Variants in ATP8B3 observed in about 807,000 individuals in gnomAD.
The protein encoded by ATP8B3 is ATPase phospholipid transporting 8B3.
ATP8B3 carries 141 observed loss-of-function variants against 140.9 expected under a neutral mutation model. The observed-to-expected ratio is 1.00, with a 90% CI of 0.87 to 1.15. The LOEUF is 1.15. Ranked by LOEUF, ATP8B3 falls within the 50% of genes most tolerant of loss-of-function variation. The pLI, the probability that ATP8B3 is intolerant of heterozygous loss-of-function variation, is 0.00. For synonymous variants in ATP8B3, 765 were observed against 714.6 expected, an observed-to-expected ratio of 1.07 and a Z score of -1.13; for missense variants, 1,874 against 1,740.6, an observed-to-expected ratio of 1.08 and a Z score of -1.36.
intron 10 of ATP8B3, among the ~76,000 whole-genome samples, chr19:1,803,883 CGA>C (rs1374180728): frequency 7.9e-6 from 1 of 127,316 alleles, no homozygotes; most frequent in East Asian, 2.2e-4. Context: ...GCAACAAGAG[CGA>C]GACTCTGTCT....
chr19:1,790,033 T>C, intron 21 of ATP8B3, 44 bp from the exon 22 acceptor site: 1 of 1,437,996 alleles, frequency 7.0e-7, no homozygotes, highest in Non-Finnish European at 9.7e-7. Context: ...GGGGCGGGCT[T>C]CTCCCCACTT....
chr19:1,798,352 C>T (rs899150087), intron 14 of ATP8B3, among the ~76,000 whole-genome samples: 24 of 151,976 alleles, frequency 1.6e-4, no homozygotes, highest in African/African-American at 5.3e-4. Context: ...CAAACTACAC[C>T]CCACCACATC....
chr19:1,806,026 C>T lies in ATP8B3; in HGVS notation c.751-68G>A. ...ACAAATTGGGGGTGCGGCAGCCCTC[C>T]CCACCCTGGGAGGGGTGCTCTCGGT... is the stretch of plus-strand genomic sequence containing the variant. On this transcript the variant is annotated intron_variant, in intron 8 of 28. Coordinates refer to ENST00000310127, the MANE Select transcript of ATP8B3 (RefSeq NM_138813.4). This position sits in a 1 kb window ranked among gnomAD's most constrained non-coding sequence, Gnocchi z 5.6. The T allele has an allele frequency of 1.9e-6, 3 of 1,608,286 alleles. No individual in the cohort carries two copies. The highest frequency in any genetic ancestry group is 3.4e-5 in the Admixed American group (2 of 59,562).
chr19:1,796,866 A>G lies in ATP8B3; in HGVS notation c.1598T>C (p.Leu533Pro). 1 of 1,610,060 alleles carries G rather than the reference A, an allele frequency of 6.2e-7. No homozygotes were observed. The highest frequency in any genetic ancestry group is 8.5e-7 in the Non-Finnish European group (1 of 1,178,148). Reference sequence around the variant, plus strand: ...CTTCCCGTCGGCGAACTTGTTCCAGAGGTAGGGGTTCTCCTGGGGGTGGCG... The same window carrying G: ...CTTCCCGTCGGCGAACTTGTTCCAGGGGTAGGGGTTCTCCTGGGGGTGGCG... ...ATTRPKENPY[L>P]WNKFADGKLL... The change falls in exon 16 of 29, where the codon CTC becomes CCC. Residue 533 changes from leucine to proline, a missense_variant. Coordinates refer to ENST00000310127, the MANE Select transcript of ATP8B3 (RefSeq NM_138813.4).
In ATP8B3 at chr19:1,789,062, G is replaced by A; in HGVS notation, c.2904C>T (p.Ser968=). ...AGCAGAACTGGCCGAGCACGAAGTC[G>A]CTGTTCTGAACTGCCTGCATGCCCT... ...GQEGMQAVQN[S]DFVLGQFCFL... is the part of the protein sequence containing the mutation. The change falls in exon 24 of 29, where the codon AGC becomes AGT. Residue 968 remains serine, a synonymous_variant. Transcript: ENST00000310127. 6.2e-7 allele frequency: 1 copy of A among 1,600,254 alleles called. No homozygotes were observed. The highest frequency in any genetic ancestry group is 8.5e-7 in the Non-Finnish European group (1 of 1,175,496).
rs1568637943 is a variant in ATP8B3, at chr19:1,796,588, C to T, written c.1753+123G>A. The T allele has an allele frequency of 1.2e-5, 15 of 1,290,416 alleles. No homozygotes were observed. In the South Asian group the frequency reaches 1.8e-4, roughly 16 times the overall value. 79.9% of individuals were successfully genotyped at this position (1,290,416 alleles called of 1,614,324 possible). ...CGAGGTGCGGCTGGTGTCACACCGG[C>T]CTCAGCGCCCCCCAAGCCAGCTGAA... On this transcript the variant is annotated intron_variant, in intron 16 of 28. Transcript: ENST00000310127.
chr19:1,809,519 C>CA (rs1256147752), intron 4 of ATP8B3, 124 bp downstream of exon 4: 3 of 845,084 alleles, frequency 3.5e-6, no homozygotes, highest in Non-Finnish European at 3.6e-6. Context: ...AAACGAAAAC[C>CA]AAAAAAAGAA....
At chr19:1,801,856 G>A (rs962538955) in intron 12 of ATP8B3, 100 bp downstream of exon 12, 34 of 866,236 alleles carry the variant, frequency 3.9e-5, no homozygotes, top group Admixed American at 6.4e-5. Flanking sequence ...GGATCAGGCC[G>A]CACATTTTGC....
At position 1,785,522 on chromosome 19, in the gene ATP8B3, G is replaced by A. The variant is rs1211574342; in HGVS notation, c.3340C>T (p.Gln1114Ter). ...TAGPASFSDH[Q>*]SFAVVVALSC... ...AGGGCCACCACGACCGCAAAGGACTGGTGGTCGCTGAAGCTGGCGGGTCCC... is the reference window on the plus strand; with the variant it reads ...AGGGCCACCACGACCGCAAAGGACTAGTGGTCGCTGAAGCTGGCGGGTCCC... Residue 1114 changes from glutamine (Q) to a stop codon, truncating the protein, a stop_gained, in exon 26 of 29, where the codon CAG becomes TAG. Transcript: ENST00000310127. LOFTEE classifies it high-confidence loss of function. The A allele has an allele frequency of 6.2e-7, 1 of 1,612,970 alleles. No homozygotes were observed. Among genetic ancestry groups the A allele is most frequent in the Non-Finnish European group, 8.5e-7 (1 of 1,179,888 alleles).
At position 1,797,319 on chromosome 19, in the gene ATP8B3, G is replaced by A. The variant is rs909141317; in HGVS notation, c.1553-314C>T. 1.1e-4 allele frequency among the ~76,000 whole-genome samples: 16 copies of A among 148,050 alleles called. 1 individual carries two copies. Among genetic ancestry groups the A allele is most frequent in the Middle Eastern group, 3.5e-3 (1 of 284 alleles). ...AAAAGGACAGCCTGGAGCGGGATGCGGGCTAGGGACCCCAAAAGGACAGCC... is the reference window on the plus strand; with the variant it reads ...AAAAGGACAGCCTGGAGCGGGATGCAGGCTAGGGACCCCAAAAGGACAGCC... On this transcript the variant is annotated intron_variant, in intron 14 of 28. Transcript: ENST00000310127.
At chr19:1,801,806 A>C in intron 12 of ATP8B3, 150 bp downstream of exon 12, 2 of 410,274 alleles carry the variant, frequency 4.9e-6, no homozygotes, top group Non-Finnish European at 8.8e-6. Flanking sequence ...TTAAAAAATT[A>C]CTTTAATGAA....
chr19:1,796,656 C>T, intron 16 of ATP8B3, 55 bp downstream of exon 16: 1 of 1,569,800 alleles, frequency 6.4e-7, no homozygotes, highest in African/African-American at 1.3e-5. Flanking sequence ...GCTGGGGACA[C>T]TGCCGTGCCC....
At chr19:1,791,595 G>T (rs1454203910) in intron 20 of ATP8B3, among the ~76,000 whole-genome samples, 155 bp downstream of exon 20, 1 of 152,044 alleles carries the variant, frequency 6.6e-6, no homozygotes, top group African/African-American at 2.4e-5. Context: ...GTTTGACCAT[G>T]TTGGCCCTGC....
chr19:1,791,777 T>G lies in ATP8B3; in HGVS notation c.2275A>C (p.Ile759Leu). ...TGCTTGTCCCCGGTGAGCACCCATA[T>G]TTTGATGTTGCTCTTCTTGAGACAT... ...IKCLKKSNIK[I>L]WVLTGDKQET... Residue 759 changes from isoleucine (I) to leucine (L), a missense_variant, in exon 20 of 29, where the codon ATA becomes CTA. This residue lies in a region of ATP8B3 where 840 missense variants were observed against 760.9 expected (regional missense o/e 1.10). Coordinates refer to ENST00000310127, the MANE Select transcript of ATP8B3 (RefSeq NM_138813.4). 1 of 1,611,564 alleles carries G rather than the reference T, an allele frequency of 6.2e-7. No individual in the cohort carries two copies. Among genetic ancestry groups the G allele is most frequent in the Non-Finnish European group, 8.5e-7 (1 of 1,179,668 alleles).
At chr19:1,796,570 C>T (rs1023796463) in intron 16 of ATP8B3, 141 bp downstream of exon 16, 16 of 1,118,552 alleles carry the variant, frequency 1.4e-5, no homozygotes, top group South Asian at 3.2e-5. Context: ...CCTCGAGGTG[C>T]GGCTGGTGTC....
rs2145196352 is a variant in ATP8B3 at position 1,800,637 on chromosome 19, A to C, written c.1153-188T>G. Among the ~76,000 whole-genome samples the C allele has an allele frequency of 6.6e-6, 1 of 152,150 alleles. No homozygotes were observed. Among genetic ancestry groups the C allele is most frequent in the Admixed American group, 6.5e-5 (1 of 15,272 alleles). Reference sequence around the variant, plus strand: ...GAGTTCAAGACCAGCCTGGGCGACAAAGTGAGACCTCATCTCGACGAAAAA... The same window carrying C: ...GAGTTCAAGACCAGCCTGGGCGACACAGTGAGACCTCATCTCGACGAAAAA... On this transcript the variant is annotated intron_variant, in intron 12 of 28. Transcript: ENST00000310127. This position sits in a 1 kb window ranked among gnomAD's most constrained non-coding sequence, Gnocchi z 4.4.
At chr19:1,790,872 C>A (rs183040287) in intron 20 of ATP8B3, 40 bp from the exon 21 acceptor site, 4 of 1,548,974 alleles carry the variant, frequency 2.6e-6, no homozygotes, top group Middle Eastern at 1.7e-4. Flanking sequence ...CGACCCGCCC[C>A]GCACTGGCTG....
At chr19:1,796,634 G>C in intron 16 of ATP8B3, 77 bp downstream of exon 16, 2 of 1,513,204 alleles carry the variant, frequency 1.3e-6, no homozygotes, top group South Asian at 2.5e-5. Flanking sequence ...GATGGGCCGG[G>C]TGAGCTGCGG....
At chr19:1,804,446 A>G (rs559923387) in intron 10 of ATP8B3, among the ~76,000 whole-genome samples, 1 of 152,298 alleles carries the variant, frequency 6.6e-6, no homozygotes, top group Non-Finnish European at 1.5e-5. Flanking sequence ...TGTATCTACT[A>G]AAAATACAAA....
Sources: allele counts gnomAD v4.1 joint callset (sites outside exome capture counted in the v4.1 genomes callset), GRCh38; gene constraint gnomAD v4.1.1; regional missense constraint gnomAD v4.1.1; non-coding constraint Gnocchi (gnomAD v3.1); transcripts MANE v1.5; gene names NCBI Gene and HGNC (gene_info 2026-07-23, HGNC 2026-07-21).